Variants in GNB5 observed in about 807,000 individuals in gnomAD.
GNB5 encodes the protein guanine nucleotide-binding protein subunit beta-5.
A neutral mutation model predicts 55.3 loss-of-function variants in GNB5; 37 were observed. The observed-to-expected ratio is 0.67, with a 90% CI of 0.51 to 0.88. The LOEUF is 0.88. Among genes scored for constraint, GNB5 ranks in the 40% least tolerant of loss-of-function variants. The pLI, the probability that GNB5 is intolerant of heterozygous loss-of-function variation, is 0.00. For missense variants in GNB5, 476 were observed against 515.3 expected (o/e 0.92, Z 0.74); for synonymous variants, 219 against 198.5 (o/e 1.10, Z -0.87).
chr15:52,172,132 C>CTTTTTAT (rs1478670158), intron 3 of GNB5, among the ~76,000 whole-genome samples: 2 of 151,978 alleles, frequency 1.3e-5, no homozygotes, highest in Non-Finnish European at 2.9e-5. Flanking sequence ...TCCCCTTTCT[C>CTTTTTAT]TTTTTATTTT....
At chr15:52,137,071 T>TA (rs1478315070) in intron 7 of GNB5, 1 of 506,106 alleles carries the variant, frequency 2.0e-6, no homozygotes, top group Non-Finnish European at 3.5e-6. Context: ...AGACCCACCT[T>TA]AAAATCACCA....
intron 3 of GNB5, among the ~76,000 whole-genome samples, chr15:52,166,419 A>G (rs1374470162): frequency 6.6e-6 from 1 of 152,242 alleles, no homozygotes; most frequent in Non-Finnish European, 1.5e-5. Flanking sequence ...TTACTCTAAA[A>G]TTGATCACAT....
intron 4 of GNB5, among the ~76,000 whole-genome samples, chr15:52,152,532 C>A (rs917003466): frequency 1.3e-5 from 2 of 151,694 alleles, no homozygotes; most frequent in African/African-American, 4.9e-5. Flanking sequence ...ACCATGTTGG[C>A]CAGGTTAGTC....
At position 52,188,199 on chromosome 15, in the gene GNB5, TA is replaced by T. The variant is rs545516257; in HGVS notation, c.-19+3122del. 2.4e-3 allele frequency among the ~76,000 whole-genome samples: 367 copies of T among 152,336 alleles called. 1 individual carries two copies. The highest frequency in any genetic ancestry group is 8.5e-3 in the African/African-American group (354 of 41,580). On this transcript the variant is annotated intron_variant, in intron 1 of 12. Transcript: ENST00000261837. ...CATATTACTGGAAAACACCATTTTT[TA>T]ACGGAGACTCCAATTTTTGAGTCCT...
chr15:52,157,293 C>T (rs1046741615), intron 3 of GNB5, among the ~76,000 whole-genome samples: 16 of 147,716 alleles, frequency 1.1e-4, no homozygotes, highest in Non-Finnish European at 1.2e-4. Flanking sequence ...GTCACCCAGG[C>T]TGGAGTGCAG....
rs1171506706 is a variant in GNB5, at chr15:52,118,999, G to C, written c.*3758C>G. The stretch of plus-strand genomic sequence containing the variant: ...TATGAGTGGGGGCTGCCTATGGATG[G>C]GGAGGAGATGGGGAGAAAAGAAAGA... On this transcript the variant is annotated 3_prime_UTR_variant, in exon 13 of 13. Coordinates refer to ENST00000261837, the MANE Select transcript of GNB5 (RefSeq NM_016194.4). 7.3e-6 allele frequency: 1 copy of C among 136,802 alleles called. No homozygotes were observed. The highest frequency in any genetic ancestry group is 6.9e-5 in the Admixed American group (1 of 14,524). 8.5% of individuals were successfully genotyped at this position (136,802 alleles called of 1,614,324 possible). A position where few individuals can be genotyped will look rare whatever the true frequency, so the allele number is the denominator to read the frequency against.
chr15:52,167,106 A>C (rs913474730), intron 3 of GNB5, among the ~76,000 whole-genome samples: 1 of 152,136 alleles, frequency 6.6e-6, no homozygotes, highest in Non-Finnish European at 1.5e-5. Context: ...AAATGCATAC[A>C]CCCTCCCAAG....
chr15:52,175,785 TCACACCTGTAATCC>T (rs1379399889), intron 3 of GNB5, among the ~76,000 whole-genome samples: 1 of 150,956 alleles, frequency 6.6e-6, no homozygotes, highest in Non-Finnish European at 1.5e-5. Flanking sequence ...GCGCAGTGGG[TCACACCTGTAATCC>T]CAGCACTTTG....
chr15:52,182,961 G>A (rs1317104441), intron 2 of GNB5, among the ~76,000 whole-genome samples: 2 of 152,150 alleles, frequency 1.3e-5, no homozygotes, highest in Non-Finnish European at 2.9e-5. Flanking sequence ...AAACCAGCCT[G>A]GCCAACATGG....
In GNB5 at chr15:52,165,485, G is replaced by C. The variant is rs2034432193; in HGVS notation, c.239-11409C>G. 2.0e-5 allele frequency among the ~76,000 whole-genome samples: 3 copies of C among 152,272 alleles called. No individual in the cohort carries two copies. The South Asian group carries it at 6.2e-4, about 32-fold the overall frequency. ...GAGAAAAGCAAAGGGAAGCCCGCCA[G>C]ACTAACAGCAGACCTCTCAGTGGAA... On this transcript the variant is annotated intron_variant, in intron 3 of 12. Transcript: ENST00000261837.
intron 1 of GNB5, among the ~76,000 whole-genome samples, chr15:52,188,028 C>G (rs571511674): frequency 1.6e-4 from 24 of 152,164 alleles, no homozygotes; most frequent in African/African-American, 5.8e-4. Flanking sequence ...AAATCGCCCA[C>G]ATGCCCTACA....
intron 5 of GNB5, chr15:52,149,462 C>A (rs115942358): frequency 1.7e-5 from 7 of 413,050 alleles, no homozygotes; most frequent in Non-Finnish European, 2.6e-5. Context: ...CCCAGTCCCA[C>A]TGCAGCCTCA....
intron 3 of GNB5, among the ~76,000 whole-genome samples, chr15:52,173,738 A>G (rs2034595606): frequency 6.6e-6 from 1 of 152,214 alleles, no homozygotes; most frequent in East Asian, 1.9e-4. Context: ...TCAACATTAG[A>G]GTAGCTACAA....
At chr15:52,161,059 G>T (rs2034321300) in intron 3 of GNB5, among the ~76,000 whole-genome samples, 1 of 152,170 alleles carries the variant, frequency 6.6e-6, no homozygotes, top group Admixed American at 6.6e-5. Flanking sequence ...TGGGCTGAGT[G>T]CTTTACACAA....
intron 12 of GNB5, 21 bp from the exon 13 acceptor site, chr15:52,122,789 A>G: frequency 6.3e-7 from 1 of 1,595,636 alleles, no homozygotes; most frequent in Non-Finnish European, 8.6e-7. Flanking sequence ...ACAAACAGAT[A>G]GTTTTTAGAC....
At chr15:52,179,117 G>T (rs896088068) in intron 3 of GNB5, among the ~76,000 whole-genome samples, 32 of 152,326 alleles carry the variant, frequency 2.1e-4, no homozygotes, top group African/African-American at 7.7e-4. Context: ...GCAAGTTTAA[G>T]ATCGCTATGG....
intron 3 of GNB5, among the ~76,000 whole-genome samples, chr15:52,164,576 C>T (rs982563403): frequency 1.5e-4 from 23 of 151,786 alleles, no homozygotes; most frequent in African/African-American, 5.1e-4. Context: ...TGCAGTGAGC[C>T]GAGAGCACGA....
At chr15:52,181,612 AAAAAAC>A (rs893863456) in intron 2 of GNB5, among the ~76,000 whole-genome samples, 46 of 152,186 alleles carry the variant, frequency 3.0e-4, no homozygotes, top group East Asian at 9.6e-4. Context: ...CAAGACTCAA[AAAAAAC>A]AAAAACAAAA....
At chr15:52,179,968 C>T (rs2034738054) in intron 2 of GNB5, 89 bp from the exon 3 acceptor site, 1 of 1,360,682 alleles carries the variant, frequency 7.3e-7, no homozygotes, top group Admixed American at 3.6e-5. Flanking sequence ...GTCCCCGGCC[C>T]CGAGCACCGC....
Sources: gnomAD v4.1 joint callset for allele counts (sites outside exome capture counted in the v4.1 genomes callset) on GRCh38, gnomAD v4.1.1 for gene constraint, MANE v1.5 for transcripts, NCBI Gene and HGNC (gene_info 2026-07-23, HGNC 2026-07-21) for gene names.